Variants in SLC35D4 observed in about 807,000 individuals in gnomAD.
SLC35D4 encodes UDP-N-acetylglucosamine transporter SLC35D4.
chr18:23,373,744 C>T, the SLC35D4 span: 39 of 1,613,344 alleles, frequency 2.4e-5, no homozygotes, highest in South Asian at 2.0e-4. Flanking sequence ...CATCCTGCTG[C>T]GGCCAGGAGG....
the SLC35D4 span, among the ~76,000 whole-genome samples, chr18:23,291,495 T>C: frequency 6.6e-6 from 1 of 152,260 alleles, no homozygotes; most frequent in South Asian, 2.1e-4. Flanking sequence ...CATGTGGCAC[T>C]GACTGAGGTC....
At chr18:23,270,238 A>G in the SLC35D4 span, among the ~76,000 whole-genome samples, 1 of 152,232 alleles carries the variant, frequency 6.6e-6, no homozygotes, top group Non-Finnish European at 1.5e-5. Context: ...TCATGGCTTC[A>G]GAGGGTGAAA....
the SLC35D4 span, among the ~76,000 whole-genome samples, chr18:23,435,800 A>T: frequency 6.6e-6 from 1 of 152,098 alleles, no homozygotes; most frequent in African/African-American, 2.4e-5. Flanking sequence ...GGCTCAGGAG[A>T]TTCTCATGCC....
At chr18:23,319,163 G>C in the SLC35D4 span, among the ~76,000 whole-genome samples, 4 of 152,094 alleles carry the variant, frequency 2.6e-5, no homozygotes, top group Non-Finnish European at 5.9e-5. Context: ...ATTTTGAAGA[G>C]GTTGGTAACC....
chr18:23,314,801 C>A, the SLC35D4 span, among the ~76,000 whole-genome samples: 3 of 152,220 alleles, frequency 2.0e-5, no homozygotes, highest in African/African-American at 7.2e-5. Context: ...ACCCGAATAA[C>A]AAACCCCAGG....
At chr18:23,336,064 G>A in the SLC35D4 span, among the ~76,000 whole-genome samples, 13 of 150,828 alleles carry the variant, frequency 8.6e-5, no homozygotes, top group Admixed American at 5.3e-4. Flanking sequence ...CAACATAACT[G>A]GAAATTAAAA....
the SLC35D4 span, among the ~76,000 whole-genome samples, chr18:23,347,769 A>G: frequency 1.3e-5 from 2 of 152,276 alleles, no homozygotes; most frequent in African/African-American, 2.4e-5. Context: ...AGGTTTGTCA[A>G]TGTTGCTGAT....
chr18:23,302,366 AC>A, the SLC35D4 span, among the ~76,000 whole-genome samples: 3 of 152,176 alleles, frequency 2.0e-5, no homozygotes, highest in Non-Finnish European at 4.4e-5. Flanking sequence ...CTGGGGTGGG[AC>A]TTTTGGCAAT....
At chr18:23,267,494 A>G in the SLC35D4 span, among the ~76,000 whole-genome samples, 2 of 150,684 alleles carry the variant, frequency 1.3e-5, no homozygotes, top group South Asian at 4.2e-4. Flanking sequence ...CAATCTTCTC[A>G]ATAGGGACTT....
the SLC35D4 span, among the ~76,000 whole-genome samples, chr18:23,279,507 G>A: frequency 7.2e-5 from 11 of 152,126 alleles, no homozygotes; most frequent in African/African-American, 2.4e-4. Flanking sequence ...GACCTTATTT[G>A]GAGATAAGGT....
the SLC35D4 span, among the ~76,000 whole-genome samples, chr18:23,269,824 A>C: frequency 6.6e-6 from 1 of 152,200 alleles, no homozygotes; most frequent in Non-Finnish European, 1.5e-5. Flanking sequence ...GATCTGTGGA[A>C]CTTTGAACTT....
At chr18:23,328,431 T>C in the SLC35D4 span, among the ~76,000 whole-genome samples, 17 of 152,208 alleles carry the variant, frequency 1.1e-4, no homozygotes, top group Non-Finnish European at 2.4e-4. Context: ...GAGAGCCAAA[T>C]CATGAGTGAA....
the SLC35D4 span, among the ~76,000 whole-genome samples, chr18:23,372,807 C>T: frequency 6.6e-6 from 1 of 152,170 alleles, no homozygotes; most frequent in African/African-American, 2.4e-5. Flanking sequence ...GGCTTGACTT[C>T]TGCCTGAGCA....
the SLC35D4 span, among the ~76,000 whole-genome samples, chr18:23,260,797 G>T: frequency 6.6e-6 from 1 of 151,614 alleles, no homozygotes; most frequent in African/African-American, 2.4e-5. Flanking sequence ...GCCAGCAAGA[G>T]CAGGGAGTAA....
At chr18:23,337,606 T>A in the SLC35D4 span, among the ~76,000 whole-genome samples, 14 of 152,212 alleles carry the variant, frequency 9.2e-5, no homozygotes, top group Non-Finnish European at 1.2e-4. Context: ...CTTGGAGATA[T>A]TCTAAAATTC....
the SLC35D4 span, among the ~76,000 whole-genome samples, chr18:23,276,212 C>G: frequency 6.6e-6 from 1 of 151,902 alleles, no homozygotes; most frequent in Admixed American, 6.6e-5. Flanking sequence ...CTCAGCCTCC[C>G]GAGTAGCTGG....
chr18:23,279,301 C>G, the SLC35D4 span, among the ~76,000 whole-genome samples: 7 of 152,194 alleles, frequency 4.6e-5, no homozygotes, highest in Admixed American at 3.9e-4. Flanking sequence ...CCCAACATCT[C>G]CCCCATCAAC....
the SLC35D4 span, chr18:23,385,052 G>T: frequency 3.1e-6 from 5 of 1,613,134 alleles, no homozygotes; most frequent in Middle Eastern, 1.6e-4. Context: ...TGCAAAGTGA[G>T]AAACACAGGA....
chr18:23,344,958 A>G, the SLC35D4 span, among the ~76,000 whole-genome samples: 47,331 of 151,936 alleles, frequency 0.31, 8,370 homozygotes, highest in Non-Finnish European at 0.39. Flanking sequence ...AGTAAACTAC[A>G]TTTTATCAAT....
Sources: gnomAD v4.1 joint callset for allele counts (sites outside exome capture counted in the v4.1 genomes callset) on GRCh38, gnomAD v4.1.1 for gene constraint, MANE v1.5 for transcripts, NCBI Gene and HGNC (gene_info 2026-07-23, HGNC 2026-07-21) for gene names.